SSUH2: variants seen among roughly 807,000 people sequenced by gnomAD.
SSUH2 encodes the protein protein SSUH2 homolog.
In SSUH2, 47 loss-of-function variants were observed where a neutral mutation model predicts 55.3. The ratio of observed to expected loss-of-function variants is 0.85; its 90% CI spans 0.67 to 1.08. The LOEUF is 1.08. SSUH2 is among the 50% of genes least tolerant of loss of function. The pLI is 0.00. For synonymous variants in SSUH2, 212 were observed against 191.5 expected, an observed-to-expected ratio of 1.11 and a Z score of -0.89; for missense variants, 535 against 490.7, an observed-to-expected ratio of 1.09 and a Z score of -0.85.
chr3:8,636,634 T>C (rs2125217120), intron 1 of SSUH2, among the ~76,000 whole-genome samples: 1 of 152,286 alleles, frequency 6.6e-6, no homozygotes, highest in South Asian at 2.1e-4. Flanking sequence ...TGACCAAGAC[T>C]TTCTTGGAGC....
intron 10 of SSUH2, among the ~76,000 whole-genome samples, chr3:8,624,146 C>G (rs1268580498): frequency 6.8e-6 from 1 of 146,388 alleles, no homozygotes; most frequent in South Asian, 2.1e-4. Flanking sequence ...GTCCCCAAAG[C>G]CCCCAGATCC....
At chr3:8,638,575 G>A (rs1020882708) in intron 1 of SSUH2, among the ~76,000 whole-genome samples, 1 of 152,170 alleles carries the variant, frequency 6.6e-6, no homozygotes, top group African/African-American at 2.4e-5. Flanking sequence ...TCTGCATGAT[G>A]TGACACCATG....
rs770997993 is a variant in SSUH2 at position 8,629,646 on chromosome 3, G to GGTTCACAGATGACTCACCAGTT, written c.588+17_588+18insAACTGGTGAGTCATCTGTGAAC. The GGTTCACAGATGACTCACCAGTT allele has an allele frequency of 6.2e-7, 1 of 1,613,834 alleles. No homozygotes were observed. Among genetic ancestry groups the GGTTCACAGATGACTCACCAGTT allele is most frequent in the Non-Finnish European group, 8.5e-7 (1 of 1,179,808 alleles). ...ACCACACCCTCACTGACTCACCAGT[G>GGTTCACAGATGACTCACCAGTT]GTTCACAGATGACTCACCGTGCCCG... On this transcript the variant is annotated intron_variant, in intron 7 of 11. Transcript: ENST00000544814.
At chr3:8,678,302 A>G (rs1458949152) in intron 2 of SSUH2, among the ~76,000 whole-genome samples, 4 of 152,034 alleles carry the variant, frequency 2.6e-5, no homozygotes, top group Non-Finnish European at 4.4e-5. Flanking sequence ...GAAGAATATC[A>G]CAGGGTGGGT....
chr3:8,623,377 C>A, intron 11 of SSUH2, 172 bp downstream of exon 11: 1 of 564,182 alleles, frequency 1.8e-6, no homozygotes. Context: ...TCTTACTTGC[C>A]CTGCTCCATG....
chr3:8,633,625 A>AGCCCCCCGGCCAAG (rs1187959196), intron 4 of SSUH2, 41 bp downstream of exon 4: 1 of 1,470,694 alleles, frequency 6.8e-7, no homozygotes, highest in Non-Finnish European at 9.0e-7. Flanking sequence ...CCAGCTCCCC[A>AGCCCCCCGGCCAAG]GCCCCCCGGC....
chr3:8,676,489 C>T, intron 3 of SSUH2, among the ~76,000 whole-genome samples: 1 of 150,914 alleles, frequency 6.6e-6, no homozygotes, highest in Non-Finnish European at 1.5e-5. Context: ...ATATCACCCC[C>T]TCTGCCTTGG....
At chr3:8,666,943 A>T (rs965483485) in intron 5 of SSUH2, among the ~76,000 whole-genome samples, 33 of 152,208 alleles carry the variant, frequency 2.2e-4, no homozygotes, top group African/African-American at 7.7e-4. Context: ...GATACTGATG[A>T]AGAGACTTGT....
In SSUH2 at chr3:8,626,301, C is replaced by G. The variant is rs779463006; in HGVS notation, c.695G>C (p.Arg232Thr). The change falls in exon 9 of 12, where the codon AGA (arginine) becomes ACA (threonine). Residue 232 changes from arginine to threonine, a missense_variant. Coordinates refer to ENST00000544814, the MANE Select transcript of SSUH2 (RefSeq NM_001256748.3). ...GCAGGTGGCGCAGGTCTTGTTCCCT[C>G]TCCCTGAGCAAGTGCTGCATCTGAG... Reference protein sequence around the residue: ...GRRRCSTCSGRGNKTCATCKG... With the variant: ...GRRRCSTCSGTGNKTCATCKG... The G allele has an allele frequency of 6.8e-6, 11 of 1,614,024 alleles. No homozygotes were observed. The African/African-American group carries it at 1.2e-4, about 18-fold the overall frequency.
intron 5 of SSUH2, among the ~76,000 whole-genome samples, chr3:8,669,539 G>C (rs535448106): frequency 3.9e-5 from 6 of 152,240 alleles, no homozygotes; most frequent in Admixed American, 1.3e-4. Context: ...TAAGAAGAAA[G>C]AACTTTCCCC....
intron 7 of SSUH2, among the ~76,000 whole-genome samples, chr3:8,651,561 G>A (rs1702413068): frequency 6.6e-6 from 1 of 152,194 alleles, no homozygotes; most frequent in Non-Finnish European, 1.5e-5. Flanking sequence ...GGGAGCAGGA[G>A]CAGAATGAGG....
chr3:8,645,999 T>G (rs1331982444), upstream of SSUH2, among the ~76,000 whole-genome samples: 3 of 152,118 alleles, frequency 2.0e-5, no homozygotes, highest in African/African-American at 7.2e-5. Context: ...TACTTGAGAG[T>G]CATATAAGTT....
chr3:8,658,051 G>C (rs1703107390), intron 7 of SSUH2, among the ~76,000 whole-genome samples: 1 of 152,228 alleles, frequency 6.6e-6, no homozygotes, highest in South Asian at 2.1e-4. Flanking sequence ...ACTCTGCAGT[G>C]AATGGGCCTG....
At chr3:8,664,056 C>G (rs1703748801) in intron 5 of SSUH2, 3 of 333,132 alleles carry the variant, frequency 9.0e-6, no homozygotes, top group South Asian at 2.3e-5. Flanking sequence ...TTTCTGCTGA[C>G]CCAGGTGCCC....
intron 1 of SSUH2, among the ~76,000 whole-genome samples, chr3:8,637,188 C>T (rs1210572576): frequency 2.6e-5 from 4 of 152,210 alleles, no homozygotes; most frequent in East Asian, 1.9e-4. Context: ...GTGTATTAAA[C>T]GCCTTCTTGA....
intron 6 of SSUH2, among the ~76,000 whole-genome samples, chr3:8,662,162 T>C (rs980150781): frequency 1.6e-4 from 25 of 152,192 alleles, no homozygotes; most frequent in African/African-American, 5.8e-4. Context: ...GGAGACACTC[T>C]CTCTGTCTCC....
At chr3:8,639,161 G>A (rs775262000) in intron 1 of SSUH2, among the ~76,000 whole-genome samples, 10 of 152,296 alleles carry the variant, frequency 6.6e-5, no homozygotes, top group Non-Finnish European at 1.0e-4. Context: ...TGGACGTCAC[G>A]GGGCATTGTG....
intron 7 of SSUH2, among the ~76,000 whole-genome samples, chr3:8,650,649 T>C (rs1247099280): frequency 6.6e-6 from 1 of 152,180 alleles, no homozygotes; most frequent in East Asian, 1.9e-4. Flanking sequence ...TGCCACATTA[T>C]AGGAACAGCA....
intron 8 of SSUH2, among the ~76,000 whole-genome samples, chr3:8,626,670 A>G (rs1398262623): frequency 1.3e-5 from 2 of 151,876 alleles, no homozygotes; most frequent in Non-Finnish European, 2.9e-5. Flanking sequence ...GTGCAATGAG[A>G]TCTGTCCCAG....
Sources: allele counts gnomAD v4.1 joint callset (sites outside exome capture counted in the v4.1 genomes callset), GRCh38; gene constraint gnomAD v4.1.1; transcripts MANE v1.5; gene names NCBI Gene and HGNC (gene_info 2026-07-23, HGNC 2026-07-21).